Variants in FMOD observed in about 807,000 individuals in gnomAD.
The protein encoded by FMOD is fibromodulin.
A neutral mutation model predicts 27.0 loss-of-function variants in FMOD; 15 were observed. The ratio of observed to expected loss-of-function variants is 0.55; its 90% CI spans 0.37 to 0.85. The LOEUF (loss-of-function observed/expected upper bound fraction) is 0.85. Ranked by LOEUF, FMOD falls within the 40% of genes least tolerant of loss-of-function variation. The pLI, the probability that FMOD is intolerant of heterozygous loss-of-function variation, is 0.00. For missense variants in FMOD, 460 were observed against 483.2 expected, an observed-to-expected ratio of 0.95 and a Z score of 0.45; for synonymous variants, 210 against 214.0, an observed-to-expected ratio of 0.98 and a Z score of 0.16.
Position 203,348,243 on chromosome 1 carries a change from C to T in FMOD, c.28G>A (p.Ala10Thr), listed in dbSNP as rs916698838. ...GCCTGGGAGAGGGAGAAGAGCCCTG[C>T]CAGCAGCAGGAGGGAGGTCCACTGC... Reference protein sequence around the residue: MQWTSLLLLAGLFSLSQAQY... With the variant: MQWTSLLLLTGLFSLSQAQY... Residue 10 changes from alanine to threonine, a missense_variant, in exon 2 of 3, where the codon GCA (alanine) becomes ACA (threonine). Coordinates refer to ENST00000354955, the MANE Select transcript of FMOD (RefSeq NM_002023.5). 2 of 1,613,696 alleles carry T rather than the reference C, an allele frequency of 1.2e-6. No individual in the cohort carries two copies. The highest frequency in any genetic ancestry group is 8.5e-7 in the Non-Finnish European group (1 of 1,179,874).
In FMOD at chr1:203,342,145, C is replaced by A. The variant is rs1169936235; in HGVS notation, c.*198G>T. On this transcript the variant is annotated 3_prime_UTR_variant, in exon 3 of 3. Transcript: ENST00000354955. The stretch of plus-strand genomic sequence containing the variant: ...ACTTCTGTCCCTGGAAAAGAGTGAG[C>A]TTCTGCCTATGTCCTCAGCAGAAGG... 1 of 552,252 alleles carries A rather than the reference C, an allele frequency of 1.8e-6. No individual in the cohort carries two copies. The highest frequency in any genetic ancestry group is 3.1e-6 in the Non-Finnish European group (1 of 321,700). 34.2% of individuals were successfully genotyped at this position (552,252 alleles called of 1,614,324 possible).
At chr1:203,342,797 G>T (rs1220128245) in intron 2 of FMOD, among the ~76,000 whole-genome samples, 2 of 151,514 alleles carry the variant, frequency 1.3e-5, no homozygotes, top group Non-Finnish European at 1.5e-5. Flanking sequence ...TTTTTAGCAG[G>T]ATAGGGGGGC....
Position 203,342,198 on chromosome 1 carries a change from C to A in FMOD, c.*145G>T. 1 of 1,002,422 alleles carries A rather than the reference C, an allele frequency of 1.0e-6. No individual in the cohort carries two copies. Among genetic ancestry groups the A allele is most frequent in the Non-Finnish European group, 1.4e-6 (1 of 702,308 alleles). 62.1% of individuals were successfully genotyped at this position (1,002,422 alleles called of 1,614,324 possible). ...GCCTGTCCCTGATCGCCCCCCCTAA[C>A]CCCACCTACAGGAAAGAAGACTACA... On this transcript the variant is annotated 3_prime_UTR_variant, in exon 3 of 3. Coordinates refer to ENST00000354955, the MANE Select transcript of FMOD (RefSeq NM_002023.5).
In FMOD at chr1:203,347,648, T is replaced by C. The variant is rs1276026745; in HGVS notation, c.623A>G (p.Gln208Arg). 2.5e-6 allele frequency: 4 copies of C among 1,614,094 alleles called. No individual in the cohort carries two copies. The African/African-American group carries it at 4.0e-5, about 16-fold the overall frequency. The stretch of plus-strand genomic sequence containing the variant: ...GCCCACTTCCTGGATCTCATTGTGT[T>C]GGAGGTACAAGGCCGTGAGGTTCTC... Reference protein sequence around the residue: ...GLENLTALYLQHNEIQEVGSS... With the variant: ...GLENLTALYLRHNEIQEVGSS... The change falls in exon 2 of 3, where the codon CAA becomes CGA. Residue 208 changes from glutamine (Q) to arginine (R), a missense_variant. By Grantham distance (43) the Gln-to-Arg change is conservative. Coordinates refer to ENST00000354955, the MANE Select transcript of FMOD (RefSeq NM_002023.5).
At chr1:203,346,138 T>C (rs530180627) in intron 2 of FMOD, among the ~76,000 whole-genome samples, 1 of 152,228 alleles carries the variant, frequency 6.6e-6, no homozygotes, top group African/African-American at 2.4e-5. Flanking sequence ...CTTGTTAACA[T>C]CTTGCTCAAT....
At chr1:203,349,889 A>G (rs1244365928) in intron 1 of FMOD, among the ~76,000 whole-genome samples, 1 of 152,230 alleles carries the variant, frequency 6.6e-6, no homozygotes, top group African/African-American at 2.4e-5. Context: ...AGGCAGCCTC[A>G]GGCCTCAGAC....
Position 203,348,114 on chromosome 1 carries a change from A to G in FMOD, c.157T>C (p.Tyr53His), listed in dbSNP as rs1658927130. 6.2e-7 allele frequency: 1 copy of G among 1,614,154 alleles called. No individual in the cohort carries two copies. The highest frequency in any genetic ancestry group is 8.5e-7 in the Non-Finnish European group (1 of 1,180,010). Reference protein sequence around the residue: ...DPYPYETYEPYPYGVDEGPAY... With the variant: ...DPYPYETYEPHPYGVDEGPAY... ...GGCCCTTCATCCACCCCATAGGGGT[A>G]AGGCTCGTAGGTCTCATACGGGTAA... Residue 53 changes from tyrosine to histidine, a missense_variant, in exon 2 of 3, where the codon TAC (tyrosine) becomes CAC (histidine). Transcript: ENST00000354955.
intron 2 of FMOD, among the ~76,000 whole-genome samples, chr1:203,347,011 C>T (rs947264087): frequency 2.0e-5 from 3 of 152,200 alleles, no homozygotes; most frequent in African/African-American, 7.2e-5. Flanking sequence ...TGCATACCCC[C>T]AACCCATGCC....
intron 1 of FMOD, among the ~76,000 whole-genome samples, chr1:203,348,754 C>T (rs1658941107): frequency 6.6e-6 from 1 of 152,192 alleles, no homozygotes. Context: ...GGAGAAAGCC[C>T]TAGGATGGGA....
chr1:203,348,117 G>T lies in FMOD; in HGVS notation c.154C>A (p.Pro52Thr), dbSNP rs1290298278. The T allele has an allele frequency of 4.3e-6, 7 of 1,614,190 alleles. No homozygotes were observed. In the Admixed American group the frequency reaches 5.0e-5, roughly 12 times the overall value. Reference sequence around the variant, plus strand: ...CCTTCATCCACCCCATAGGGGTAAGGCTCGTAGGTCTCATACGGGTAAGGG... The same window carrying T: ...CCTTCATCCACCCCATAGGGGTAAGTCTCGTAGGTCTCATACGGGTAAGGG... The part of the protein sequence containing the change: ...YDPYPYETYE[P>T]YPYGVDEGPA... The change falls in exon 2 of 3, where the codon CCT (proline) becomes ACT (threonine). Residue 52 changes from proline (P) to threonine (T), a missense_variant. Coordinates refer to ENST00000354955, the MANE Select transcript of FMOD (RefSeq NM_002023.5).
chr1:203,347,087 A>T (rs979340842), intron 2 of FMOD, among the ~76,000 whole-genome samples: 3 of 151,062 alleles, frequency 2.0e-5, no homozygotes, highest in African/African-American at 7.3e-5. Context: ...GTACCAACCC[A>T]CTCCCCACTG....
At position 203,347,389 on chromosome 1, in the gene FMOD, G is replaced by C. The variant is rs372055897; in HGVS notation, c.882C>G (p.Ser294Arg). Reference sequence around the variant, plus strand: ...TGTAGGAGAGGTCTAGCTCAAGGAGGCTGCTGGAATTGAAGGTGTTGGAGG... The same window carrying C: ...TGTAGGAGAGGTCTAGCTCAAGGAGCCTGCTGGAATTGAAGGTGTTGGAGG... ...GLASNTFNSS[S>R]LLELDLSYNQ... Residue 294 changes from serine (S) to arginine (R), a missense_variant, in exon 2 of 3, where the codon AGC becomes AGG. By Grantham distance (110) the Ser-to-Arg change is moderately radical (BLOSUM62 -1). Transcript: ENST00000354955. 6.2e-7 allele frequency: 1 copy of C among 1,614,206 alleles called. No homozygotes were observed. The highest frequency in any genetic ancestry group is 8.5e-7 in the Non-Finnish European group (1 of 1,180,026).
chr1:203,348,261 T>G lies in FMOD; in HGVS notation c.10A>C (p.Thr4Pro), dbSNP rs758464605. The G allele has an allele frequency of 2.5e-6, 4 of 1,612,754 alleles. No homozygotes were observed. In the East Asian group the frequency reaches 8.9e-5, roughly 36 times the overall value. ...AGCCCTGCCAGCAGCAGGAGGGAGG[T>G]CCACTGCATTTTGTCTCTGCAAGAA... Reference protein sequence around the residue: MQWTSLLLLAGLFS... With the variant: MQWPSLLLLAGLFS... Residue 4 changes from threonine (T) to proline (P), a missense_variant, in exon 2 of 3, where the codon ACC (threonine) becomes CCC (proline). Transcript: ENST00000354955.
At chr1:203,347,201 C>G (rs950192573) in intron 2 of FMOD, 91 bp downstream of exon 2, 1 of 1,462,894 alleles carries the variant, frequency 6.8e-7, no homozygotes, top group African/African-American at 1.4e-5. Flanking sequence ...TCCCCTATTT[C>G]TATTTCTTTT....
chr1:203,350,793 G>A (rs76532691), intron 1 of FMOD, among the ~76,000 whole-genome samples: 9 of 152,186 alleles, frequency 5.9e-5, no homozygotes, highest in Admixed American at 5.2e-4. Context: ...TTTCATGCCT[G>A]AGAATTGGAG....
intron 2 of FMOD, among the ~76,000 whole-genome samples, chr1:203,342,764 C>T (rs568057738): frequency 6.8e-6 from 1 of 147,454 alleles, no homozygotes; most frequent in East Asian, 1.9e-4. Flanking sequence ...CTTAAGCGTC[C>T]TTCCCTCTGG....
chr1:203,341,291 CTG>C lies in FMOD; in HGVS notation c.*1050_*1051del, dbSNP rs1304394582. Reference sequence around the variant, plus strand: ...TAGCAAGTCCAGGGCTGCCTGGAGTCTGTCTCTACCATCAGGATATAGAATCT... The same window carrying C: ...TAGCAAGTCCAGGGCTGCCTGGAGTCTCTCTACCATCAGGATATAGAATCT... On this transcript the variant is annotated 3_prime_UTR_variant, in exon 3 of 3. Coordinates refer to ENST00000354955, the MANE Select transcript of FMOD (RefSeq NM_002023.5). The C allele has an allele frequency of 1.3e-5, 2 of 152,210 alleles. No individual in the cohort carries two copies. The highest frequency in any genetic ancestry group is 1.3e-4 in the Admixed American group (2 of 15,290). 9.4% of individuals were successfully genotyped at this position (152,210 alleles called of 1,614,324 possible).
intron 2 of FMOD, among the ~76,000 whole-genome samples, chr1:203,345,467 T>G (rs1658871137): frequency 6.6e-6 from 1 of 152,224 alleles, no homozygotes; most frequent in Non-Finnish European, 1.5e-5. Flanking sequence ...CAAACTTGGA[T>G]GAAGCACAGC....
intron 1 of FMOD, among the ~76,000 whole-genome samples, chr1:203,348,872 G>A (rs77926499): frequency 0.015 from 2,292 of 152,332 alleles, 54 homozygotes; most frequent in African/African-American, 0.052. Flanking sequence ...AGTGTTTGGG[G>A]AGGAGTGTGG....
Sources: allele counts gnomAD v4.1 joint callset (sites outside exome capture counted in the v4.1 genomes callset), GRCh38; gene constraint gnomAD v4.1.1; transcripts MANE v1.5; gene names NCBI Gene and HGNC (gene_info 2026-07-23, HGNC 2026-07-21).